Variants in MAP7 observed in about 807,000 individuals in gnomAD.
MAP7 encodes the protein microtubule associated protein 7, also known as ensconsin.
A neutral mutation model predicts 94.8 loss-of-function variants in MAP7; 52 were observed. The observed-to-expected ratio is 0.55, with a 90% confidence interval of 0.44 to 0.69. The LOEUF (loss-of-function observed/expected upper bound fraction) is 0.69. Ranked by LOEUF, MAP7 falls within the 30% of genes least tolerant of loss-of-function variation. MAP7 has a pLI of 0.00. For synonymous variants in MAP7, 350 were observed against 357.0 expected, an observed-to-expected ratio of 0.98 and a Z score of 0.22; for missense variants, 940 against 964.6, an observed-to-expected ratio of 0.97 and a Z score of 0.34.
At chr6:136,432,485 A>C (rs560227661) in intron 1 of MAP7, among the ~76,000 whole-genome samples, 18 of 152,314 alleles carry the variant, frequency 1.2e-4, no homozygotes, top group African/African-American at 4.3e-4. Flanking sequence ...TTGTAATAGA[A>C]ATCAGTTCCA....
chr6:136,415,742 C>T (rs1297992496), intron 2 of MAP7, among the ~76,000 whole-genome samples: 1 of 152,140 alleles, frequency 6.6e-6, no homozygotes, highest in Non-Finnish European at 1.5e-5. Flanking sequence ...AAAAACCAAA[C>T]TTTTATACAA....
At chr6:136,458,316 G>T (rs181041723) in intron 1 of MAP7, among the ~76,000 whole-genome samples, 2 of 152,158 alleles carry the variant, frequency 1.3e-5, no homozygotes, top group African/African-American at 4.8e-5. Context: ...GGTTATGGAT[G>T]GGAAAACTTA....
chr6:136,513,134 T>G (rs2129034413), intron 1 of MAP7, among the ~76,000 whole-genome samples: 1 of 152,336 alleles, frequency 6.6e-6, no homozygotes, highest in South Asian at 2.1e-4. Flanking sequence ...CATGAGCCAC[T>G]GCACCCAGCT....
intron 1 of MAP7, among the ~76,000 whole-genome samples, chr6:136,548,100 C>T (rs7757185): frequency 4.2e-5 from 5 of 118,660 alleles, no homozygotes; most frequent in Admixed American, 2.8e-4. Context: ...CACCACCACC[C>T]CCCCCCACCC....
At chr6:136,427,493 C>T (rs953184662) in intron 1 of MAP7, among the ~76,000 whole-genome samples, 8 of 152,190 alleles carry the variant, frequency 5.3e-5, no homozygotes, top group African/African-American at 1.9e-4. Context: ...GTCTCATTTG[C>T]TCTTCTATAC....
At chr6:136,443,948 G>A (rs557328545) in intron 1 of MAP7, among the ~76,000 whole-genome samples, 41 of 152,268 alleles carry the variant, frequency 2.7e-4, no homozygotes, top group African/African-American at 7.9e-4. Flanking sequence ...TTTCTGTCTC[G>A]TTTGTATTAA....
chr6:136,426,750 A>C (rs1793285214), intron 1 of MAP7, among the ~76,000 whole-genome samples: 1 of 152,210 alleles, frequency 6.6e-6, no homozygotes. Context: ...AAAATATGAC[A>C]AGAGAAACTG....
intron 1 of MAP7, among the ~76,000 whole-genome samples, chr6:136,491,193 T>G (rs1160112956): frequency 1.3e-5 from 2 of 152,194 alleles, no homozygotes; most frequent in African/African-American, 4.8e-5. Context: ...AATTACACCA[T>G]AAGAGACTAA....
intron 1 of MAP7, among the ~76,000 whole-genome samples, chr6:136,507,350 A>T (rs1821846371): frequency 6.6e-6 from 1 of 151,750 alleles, no homozygotes; most frequent in Non-Finnish European, 1.5e-5. Context: ...AAGGACGGGA[A>T]GGGGGGTAGT....
chr6:136,472,843 AT>A (rs1410572398), intron 1 of MAP7, among the ~76,000 whole-genome samples: 1 of 151,664 alleles, frequency 6.6e-6, no homozygotes, highest in East Asian at 1.9e-4. Context: ...TAAAAAAAAA[AT>A]AAATAAAAAT....
rs1367639253 is a variant in MAP7 at position 136,366,051 on chromosome 6, G to A, written c.990-33C>T. ...ACAAACAAACAAGGCAGACAAAAGG[G>A]GACACATGAGAACAGGCTTGCCAGA... On this transcript the variant is annotated intron_variant, in intron 9 of 17. Coordinates refer to ENST00000354570, the MANE Select transcript of MAP7 (RefSeq NM_003980.6). 9.4e-6 allele frequency: 15 copies of A among 1,590,432 alleles called. No homozygotes were observed. The Admixed American group carries it at 2.5e-4, about 27-fold the overall frequency.
At chr6:136,406,037 T>C (rs112113616) in intron 3 of MAP7, among the ~76,000 whole-genome samples, 7 of 152,192 alleles carry the variant, frequency 4.6e-5, no homozygotes, top group Non-Finnish European at 8.8e-5. Flanking sequence ...AATGAATACA[T>C]AAAATCACAC....
intron 1 of MAP7, among the ~76,000 whole-genome samples, chr6:136,515,479 C>T (rs982865604): frequency 2.0e-5 from 3 of 152,348 alleles, no homozygotes; most frequent in Middle Eastern, 3.4e-3. Context: ...TGCCTTCCCT[C>T]ACTAGGCTTA....
At chr6:136,427,049 G>A (rs547502368) in intron 1 of MAP7, among the ~76,000 whole-genome samples, 5 of 152,352 alleles carry the variant, frequency 3.3e-5, no homozygotes, top group East Asian at 1.9e-4. Context: ...TACCCGTATC[G>A]TGTACCAAGA....
intron 1 of MAP7, among the ~76,000 whole-genome samples, chr6:136,534,671 T>C (rs937190067): frequency 6.6e-6 from 1 of 152,234 alleles, no homozygotes; most frequent in African/African-American, 2.4e-5. Flanking sequence ...GCTCTATTAA[T>C]ATAATGTTCC....
intron 8 of MAP7, among the ~76,000 whole-genome samples, chr6:136,366,875 T>G (rs1794476994): frequency 6.6e-6 from 1 of 152,170 alleles, no homozygotes; most frequent in African/African-American, 2.4e-5. Context: ...ACACACTATA[T>G]CTCAGTCTTT....
intron 3 of MAP7, among the ~76,000 whole-genome samples, chr6:136,403,901 C>A (rs1784854170): frequency 6.6e-6 from 1 of 152,238 alleles, no homozygotes; most frequent in Non-Finnish European, 1.5e-5. Flanking sequence ...CAGCTGTTAA[C>A]CTGCCTGACA....
chr6:136,371,823 A>C (rs575744024), intron 8 of MAP7, among the ~76,000 whole-genome samples: 2 of 152,346 alleles, frequency 1.3e-5, no homozygotes, highest in South Asian at 4.1e-4. Flanking sequence ...GAGACATACA[A>C]ATTACCTCAT....
At chr6:136,440,227 A>G (rs959078007) in intron 1 of MAP7, among the ~76,000 whole-genome samples, 8 of 152,250 alleles carry the variant, frequency 5.3e-5, no homozygotes, top group African/African-American at 1.9e-4. Flanking sequence ...TCCAGACATT[A>G]ATAATACAAA....
Sources: allele counts gnomAD v4.1 joint callset (sites outside exome capture counted in the v4.1 genomes callset), GRCh38; gene constraint gnomAD v4.1.1; transcripts MANE v1.5; gene names NCBI Gene and HGNC (gene_info 2026-07-23, HGNC 2026-07-21).